Variants in MTA1 observed in about 807,000 individuals in gnomAD.
MTA1 encodes metastasis associated 1.
A neutral mutation model predicts 97.0 loss-of-function variants in MTA1; 15 were observed. The ratio of observed to expected loss-of-function variants is 0.15; its 90% CI spans 0.10 to 0.24. MTA1 has a LOEUF of 0.24. Ranked by LOEUF, MTA1 falls within the 10% of genes least tolerant of loss-of-function variation. The probability of loss-of-function intolerance (pLI) is 1.00; values close to 1 mark genes in which losing one functional copy is unlikely to be tolerated. For synonymous variants in MTA1, 435 were observed against 417.5 expected, an observed-to-expected ratio of 1.04 and a Z score of -0.51; for missense variants, 709 against 1,015.1, an observed-to-expected ratio of 0.70 and a Z score of 4.10.
chr14:105,425,895 A>G (rs2081995968), intron 1 of MTA1, among the ~76,000 whole-genome samples: 1 of 144,682 alleles, frequency 6.9e-6, no homozygotes, highest in Non-Finnish European at 1.5e-5. Flanking sequence ...TGGGCTTTGC[A>G]CCACCCTCTA....
At chr14:105,456,182 C>A (rs1214502840) in intron 7 of MTA1, among the ~76,000 whole-genome samples, 2 of 152,228 alleles carry the variant, frequency 1.3e-5, no homozygotes, top group African/African-American at 4.8e-5. Context: ...GAAGGCCTGG[C>A]AGCCGCACCC....
At chr14:105,467,367 C>T (rs2083637775) in intron 18 of MTA1, 4 of 453,822 alleles carry the variant, frequency 8.8e-6, no homozygotes, top group South Asian at 4.7e-5. Flanking sequence ...CTTCGCCAGG[C>T]GGCTTTCACT....
chr14:105,470,646 C>T lies in MTA1; in HGVS notation c.*431C>T, dbSNP rs1014945528. The T allele has an allele frequency of 9.9e-5, 16 of 162,352 alleles. No individual in the cohort carries two copies. The highest frequency in any genetic ancestry group is 2.0e-4 in the South Asian group (1 of 4,966). The allele number at this position is 162,352 out of a possible 1,614,324, so 10.1% of individuals were successfully genotyped here. A position where few individuals can be genotyped will look rare whatever the true frequency, so the allele number is the denominator to read the frequency against. On this transcript the variant is annotated 3_prime_UTR_variant, in exon 21 of 21. Coordinates refer to ENST00000331320, the MANE Select transcript of MTA1 (RefSeq NM_004689.4). ...GGCCGCGGCCGGCCGAGCTGCCTGG[C>T]GGGGTTGGCCCTTGTCTTTTCAAGT...
At chr14:105,467,827 G>A (rs2083660914) in intron 18 of MTA1, 1 of 255,658 alleles carries the variant, frequency 3.9e-6, no homozygotes, top group African/African-American at 2.3e-5. Context: ...AGAAACAGGA[G>A]GGAGTCCTTG....
chr14:105,431,798 G>A (rs1280474530), intron 1 of MTA1, among the ~76,000 whole-genome samples: 2 of 151,916 alleles, frequency 1.3e-5, no homozygotes, highest in East Asian at 1.9e-4. Context: ...GCTATTTTTT[G>A]TATCTTTAGT....
At chr14:105,425,851 C>T (rs1224023694) in intron 1 of MTA1, among the ~76,000 whole-genome samples, 2 of 151,882 alleles carry the variant, frequency 1.3e-5, no homozygotes, top group Non-Finnish European at 2.9e-5. Context: ...GTGCCCCCGG[C>T]ACCCCCGAGC....
At chr14:105,464,271 T>C in intron 13 of MTA1, 124 bp downstream of exon 13, 1 of 1,279,420 alleles carries the variant, frequency 7.8e-7, no homozygotes, top group African/African-American at 1.6e-5. Flanking sequence ...GGGGGCTGCG[T>C]CCCAGGGGTG....
intron 2 of MTA1, among the ~76,000 whole-genome samples, chr14:105,444,663 C>A (rs587738734): frequency 1.3e-5 from 2 of 151,434 alleles, no homozygotes; most frequent in Non-Finnish European, 2.9e-5. Flanking sequence ...TGGTGGCTCA[C>A]GCTTGTAATC....
chr14:105,464,900 C>A, intron 15 of MTA1, 37 bp downstream of exon 15: 1 of 1,524,512 alleles, frequency 6.6e-7, no homozygotes, highest in Non-Finnish European at 8.8e-7. Context: ...TCTGTTCCTG[C>A]GGGTGGTGGG....
chr14:105,466,689 C>G lies in MTA1; in HGVS notation c.1778-18C>G, dbSNP rs1269510938. On this transcript the variant is annotated intron_variant, in intron 17 of 20. Transcript: ENST00000331320. ...TGACGCTGTCTTCTCTCCCTCTCTC[C>G]CACCCCGGCGCTGCCAGGCAACATG... The G allele has an allele frequency of 1.2e-6, 2 of 1,605,082 alleles. No individual in the cohort carries two copies. Among genetic ancestry groups the G allele is most frequent in the Non-Finnish European group, 1.7e-6 (2 of 1,177,108 alleles).
intron 2 of MTA1, among the ~76,000 whole-genome samples, chr14:105,442,020 CA>C (rs1287148996): frequency 8.6e-5 from 13 of 152,024 alleles, no homozygotes; most frequent in Non-Finnish European, 1.6e-4. Context: ...GAAGATGGGG[CA>C]AAAACACAAA....
Position 105,463,676 on chromosome 14 carries a change from C to A in MTA1, c.1076+125C>A, listed in dbSNP as rs1299902459. 1 of 997,036 alleles carries A rather than the reference C, an allele frequency of 1.0e-6. No individual in the cohort carries two copies. The highest frequency in any genetic ancestry group is 2.4e-5 in the East Asian group (1 of 41,472). 61.8% of individuals were successfully genotyped at this position (997,036 alleles called of 1,614,324 possible). ...CAGAGGCTGGGAAAGTTGGGGCAGC[C>A]CCCGGGAGGGCGGCCCAGGGCTGGG... On this transcript the variant is annotated intron_variant, in intron 12 of 20. Transcript: ENST00000331320. The surrounding 1 kb of genome is among the most constrained non-coding windows in gnomAD (Gnocchi z 5.9).
At chr14:105,434,812 T>A (rs2141456476) in intron 1 of MTA1, among the ~76,000 whole-genome samples, 1 of 152,374 alleles carries the variant, frequency 6.6e-6, no homozygotes, top group Non-Finnish European at 1.5e-5. Flanking sequence ...AAAAGAGGAC[T>A]TATTTTTATA....
intron 1 of MTA1, among the ~76,000 whole-genome samples, chr14:105,436,423 C>T (rs587667499): frequency 1.3e-5 from 2 of 152,324 alleles, no homozygotes; most frequent in South Asian, 4.1e-4. Flanking sequence ...ATTCCTTTTA[C>T]GTGTACAGTT....
chr14:105,429,691 G>A (rs1310260824), intron 1 of MTA1, among the ~76,000 whole-genome samples: 2 of 143,678 alleles, frequency 1.4e-5, no homozygotes, highest in African/African-American at 5.1e-5. Context: ...CTGACCTTGT[G>A]ATCCACCTGC....
chr14:105,450,507 G>A (rs150818010), intron 6 of MTA1, among the ~76,000 whole-genome samples, 183 bp downstream of exon 6: 11 of 152,326 alleles, frequency 7.2e-5, no homozygotes, highest in South Asian at 4.1e-4. Context: ...GTGTGTGGCC[G>A]CCCCCACCCT....
At chr14:105,460,568 C>T in intron 9 of MTA1, 111 bp downstream of exon 9, 1 of 1,248,378 alleles carries the variant, frequency 8.0e-7, no homozygotes, top group Non-Finnish European at 1.1e-6. Flanking sequence ...TTCAGGACCC[C>T]TGCAGAGGTG....
At position 105,470,493 on chromosome 14, in the gene MTA1, G is replaced by C. The variant is rs1185261115; in HGVS notation, c.*278G>C. ...GTGCCCCTGTGCTGCGGGGCCTTTT[G>C]CCCGGAGGCCGGGCCCTAAGGTTTT... On this transcript the variant is annotated 3_prime_UTR_variant, in exon 21 of 21. Coordinates refer to ENST00000331320, the MANE Select transcript of MTA1 (RefSeq NM_004689.4). The C allele has an allele frequency of 5.1e-6, 2 of 389,872 alleles. No individual in the cohort carries two copies. The highest frequency in any genetic ancestry group is 4.3e-5 in the African/African-American group (2 of 46,370). 24.2% of individuals were successfully genotyped at this position (389,872 alleles called of 1,614,324 possible).
At chr14:105,430,180 G>A (rs1187190279) in intron 1 of MTA1, among the ~76,000 whole-genome samples, 4 of 152,200 alleles carry the variant, frequency 2.6e-5, no homozygotes, top group African/African-American at 9.6e-5. Flanking sequence ...ACTAAGCTTA[G>A]TCATTTATTT....
Sources: allele counts gnomAD v4.1 joint callset (sites outside exome capture counted in the v4.1 genomes callset), GRCh38; gene constraint gnomAD v4.1.1; non-coding constraint Gnocchi (gnomAD v3.1); transcripts MANE v1.5; gene names NCBI Gene and HGNC (gene_info 2026-07-23, HGNC 2026-07-21).